RUFY3: variants seen among roughly 807,000 people sequenced by gnomAD.
The protein encoded by RUFY3 is RUN and FYVE domain containing 3.
A neutral mutation model predicts 84.0 loss-of-function variants in RUFY3; 34 were observed. That is an observed-to-expected ratio of 0.40 (90% CI 0.31 to 0.54). The LOEUF is 0.54. Among genes scored for constraint, RUFY3 ranks in the 20% least tolerant of loss-of-function variants. The pLI is 0.39. For synonymous variants in RUFY3, 242 were observed against 252.9 expected (o/e 0.96, Z 0.41); for missense variants, 507 against 736.8 (o/e 0.69, Z 3.61).
At chr4:70,775,019 G>A (rs1727690894) in intron 6 of RUFY3, 149 bp from the exon 7 acceptor site, 1 of 501,266 alleles carries the variant, frequency 2.0e-6, no homozygotes, top group Admixed American at 3.7e-5. Flanking sequence ...ATGTCAAGAG[G>A]GTTTTACATC....
At chr4:70,761,024 T>C (rs567534056) in intron 1 of RUFY3, among the ~76,000 whole-genome samples, 3 of 152,372 alleles carry the variant, frequency 2.0e-5, no homozygotes, top group East Asian at 1.9e-4. Flanking sequence ...ATAATTTGCA[T>C]TAAACAGTCT....
At chr4:70,803,745 CAG>C (rs1429682297) in intron 16 of RUFY3, among the ~76,000 whole-genome samples, 1 of 149,998 alleles carries the variant, frequency 6.7e-6, no homozygotes, top group Admixed American at 6.7e-5. Context: ...TTTTTTGAGA[CAG>C]AGTCTCACTC....
chr4:70,790,803 A>G (rs1179406652), intron 12 of RUFY3, among the ~76,000 whole-genome samples: 1 of 152,202 alleles, frequency 6.6e-6, no homozygotes, highest in African/African-American at 2.4e-5. Context: ...GAATGAATGG[A>G]TTAATGGGTG....
intron 1 of RUFY3, among the ~76,000 whole-genome samples, chr4:70,731,448 T>C (rs962383270): frequency 5.9e-5 from 9 of 152,236 alleles, no homozygotes; most frequent in African/African-American, 1.9e-4. Flanking sequence ...TAATCGTGCA[T>C]ATACTACCAA....
At chr4:70,722,782 A>C in intron 1 of RUFY3, 31 bp downstream of exon 1, 16 of 1,595,062 alleles carry the variant, frequency 1.0e-5, no homozygotes, top group Non-Finnish European at 1.3e-5. Flanking sequence ...CTAGTATTTC[A>C]CCAGCATCCT....
intron 1 of RUFY3, among the ~76,000 whole-genome samples, chr4:70,710,743 A>G (rs1467910182): frequency 1.3e-5 from 2 of 151,816 alleles, no homozygotes; most frequent in African/African-American, 4.8e-5. Context: ...TGTTTTATTT[A>G]TTAAAATTTT....
intron 5 of RUFY3, among the ~76,000 whole-genome samples, chr4:70,772,827 A>G (rs1727201598): frequency 6.6e-6 from 1 of 151,766 alleles, no homozygotes; most frequent in South Asian, 2.1e-4. Flanking sequence ...CACCCAGCTA[A>G]TTTTTGTATT....
exon 1 of RUFY3, chr4:70,705,106 C>T (rs1293240698): frequency 8.4e-6 from 12 of 1,420,446 alleles, no homozygotes; most frequent in African/African-American, 1.5e-5. Flanking sequence ...CAGTCGGAGC[C>T]CGACTCGCCG....
chr4:70,781,687 C>T (rs961565238), intron 8 of RUFY3, among the ~76,000 whole-genome samples: 1 of 152,150 alleles, frequency 6.6e-6, no homozygotes, highest in Non-Finnish European at 1.5e-5. Flanking sequence ...GCCACAGGAT[C>T]TGAGAGAGAA....
chr4:70,719,682 G>GA (rs1278537603), upstream of RUFY3, among the ~76,000 whole-genome samples: 49 of 152,156 alleles, frequency 3.2e-4, no homozygotes, highest in Admixed American at 3.1e-3. Context: ...GATATAAAGT[G>GA]AATCTATAAA....
intron 1 of RUFY3, among the ~76,000 whole-genome samples, chr4:70,716,072 C>A (rs952105807): frequency 2.0e-5 from 3 of 152,066 alleles, no homozygotes; most frequent in Admixed American, 2.0e-4. Flanking sequence ...CGAGATCGTG[C>A]CACTGCACTC....
chr4:70,734,481 G>A lies in RUFY3; in HGVS notation c.178+11730G>A, dbSNP rs548046928. 7 of 985,360 alleles carry A rather than the reference G, an allele frequency of 7.1e-6. No individual in the cohort carries two copies. The African/African-American group carries it at 1.0e-4, about 15-fold the overall frequency. The allele number at this position is 985,360 out of a possible 1,614,324, so 61.0% of individuals were successfully genotyped here. On this transcript the variant is annotated intron_variant, in intron 1 of 17. Coordinates refer to ENST00000381006, the MANE Select transcript of RUFY3 (RefSeq NM_001037442.4). ...CTCAGTGAACTTCTCAAAGTGAGAA[G>A]GTTGTAGCTTTTAATACAGTCTCAG...
chr4:70,705,077 G>A, exon 1 of RUFY3: 2 of 1,302,896 alleles, frequency 1.5e-6, no homozygotes, highest in Non-Finnish European at 1.9e-6. Context: ...CGGGGCCGCC[G>A]CCGGCCTCCC....
chr4:70,776,668 C>T (rs542853613), intron 7 of RUFY3, among the ~76,000 whole-genome samples: 5 of 152,206 alleles, frequency 3.3e-5, no homozygotes, highest in East Asian at 1.9e-4. Context: ...CCCAGCTGCT[C>T]GGGAGGCTGA....
chr4:70,802,788 T>C (rs1013691183), intron 15 of RUFY3, 168 bp from the exon 16 acceptor site: 1 of 478,414 alleles, frequency 2.1e-6, no homozygotes, highest in Non-Finnish European at 3.7e-6. Context: ...CAAAGTTTCC[T>C]CTCCTTGGAG....
chr4:70,801,216 G>A (rs1052314688), intron 15 of RUFY3, among the ~76,000 whole-genome samples: 2 of 150,428 alleles, frequency 1.3e-5, no homozygotes, highest in African/African-American at 2.4e-5. Context: ...AGGAAGGAAC[G>A]AACCGGTGGA....
chr4:70,804,490 A>ACAGGGACTT, intron 17 of RUFY3, 74 bp downstream of exon 17: 1 of 1,307,062 alleles, frequency 7.7e-7, no homozygotes, highest in Non-Finnish European at 1.1e-6. Context: ...CCCAGGAGTA[A>ACAGGGACTT]CAGGGACTTT....
chr4:70,763,226 A>G (rs1175463282), intron 2 of RUFY3, among the ~76,000 whole-genome samples: 2 of 151,754 alleles, frequency 1.3e-5, no homozygotes, highest in Admixed American at 6.6e-5. Context: ...TCCATAGCCT[A>G]TTTCTGGATT....
Position 70,776,627 on chromosome 4 carries a change from T to C in RUFY3, c.824+1394T>C, listed in dbSNP as rs144214138. Among the ~76,000 whole-genome samples, 48 of 152,038 alleles carry C rather than the reference T, an allele frequency of 3.2e-4. 1 individual carries two copies. In the East Asian group the frequency reaches 8.9e-3, roughly 28 times the overall value. ...ATCTCTACTAAAAATACAAAAAAAA[T>C]TAGCCGGGCGTGGTACCAGGCGCCT... On this transcript the variant is annotated intron_variant, in intron 7 of 17. Coordinates refer to ENST00000381006, the MANE Select transcript of RUFY3 (RefSeq NM_001037442.4).
Sources: gnomAD v4.1 joint callset for allele counts (sites outside exome capture counted in the v4.1 genomes callset) on GRCh38, gnomAD v4.1.1 for gene constraint, MANE v1.5 for transcripts, NCBI Gene and HGNC (gene_info 2026-07-23, HGNC 2026-07-21) for gene names.